NALF1: variants seen among roughly 807,000 people sequenced by gnomAD.
NALF1 encodes family with sequence similarity 155 member A.
A neutral mutation model predicts 48.4 loss-of-function variants in NALF1; 3 were observed. That is an observed-to-expected ratio of 0.06 (90% confidence interval 0.03 to 0.16). The LOEUF is 0.16. Among genes scored for constraint, NALF1 ranks in the 10% least tolerant of loss-of-function variants. The probability of loss-of-function intolerance (pLI) is 1.00; values close to 1 mark genes in which losing one functional copy is unlikely to be tolerated. For missense variants in NALF1, 526 were observed against 571.5 expected (o/e 0.92, Z 0.81); for synonymous variants, 262 against 245.7 (o/e 1.07, Z -0.62).
chr13:107,512,155 G>A lies in NALF1; in HGVS notation c.916-301400C>T, dbSNP rs574507710. On this transcript the variant is annotated intron_variant, in intron 1 of 2. Transcript: ENST00000375915. ...CACGCCTGTAATCCCAGCACTTTGGGAGGCCAAGGCGGGTGGATCACGAGG... is the reference window on the plus strand; with the variant it reads ...CACGCCTGTAATCCCAGCACTTTGGAAGGCCAAGGCGGGTGGATCACGAGG... Among the ~76,000 whole-genome samples the A allele has an allele frequency of 1.6e-3, 251 of 152,316 alleles. 1 individual carries two copies. Among genetic ancestry groups the A allele is most frequent in the African/African-American group, 5.8e-3 (241 of 41,570 alleles).
intron 1 of NALF1, among the ~76,000 whole-genome samples, chr13:107,375,122 A>G (rs1170774133): frequency 3.3e-5 from 5 of 152,224 alleles, no homozygotes; most frequent in Non-Finnish European, 5.9e-5. Context: ...TAGGATAAGT[A>G]TAACACATTT....
chr13:107,654,330 C>T (rs773973540), intron 1 of NALF1, among the ~76,000 whole-genome samples: 4 of 152,076 alleles, frequency 2.6e-5, no homozygotes, highest in East Asian at 1.9e-4. Context: ...CAAAAGTAGG[C>T]GCTTAGCAAT....
intron 1 of NALF1, among the ~76,000 whole-genome samples, chr13:107,352,077 G>A (rs550246348): frequency 3.2e-4 from 49 of 152,340 alleles, no homozygotes; most frequent in African/African-American, 1.2e-3. Flanking sequence ...TAGGGTGAAG[G>A]CCTTACATTT....
At chr13:107,807,764 T>C (rs1289477130) in intron 1 of NALF1, among the ~76,000 whole-genome samples, 1 of 152,182 alleles carries the variant, frequency 6.6e-6, no homozygotes, top group African/African-American at 2.4e-5. Context: ...GGGACCATAA[T>C]GACTGCTAAT....
chr13:107,624,516 T>C (rs979450377), intron 1 of NALF1, among the ~76,000 whole-genome samples: 1 of 152,144 alleles, frequency 6.6e-6, no homozygotes, highest in Non-Finnish European at 1.5e-5. Flanking sequence ...AGTTTTGAGA[T>C]GGAGAATACA....
chr13:107,726,684 A>C (rs1011214852), intron 1 of NALF1, among the ~76,000 whole-genome samples: 2 of 144,176 alleles, frequency 1.4e-5, no homozygotes, highest in Non-Finnish European at 3.0e-5. Context: ...ATCTCTGTTC[A>C]CTGCAACCTC....
intron 1 of NALF1, among the ~76,000 whole-genome samples, chr13:107,687,406 A>C (rs574504932): frequency 6.6e-6 from 1 of 152,074 alleles, no homozygotes; most frequent in South Asian, 2.1e-4. Context: ...CAAACTCCAG[A>C]ATCACTCAAT....
intron 1 of NALF1, among the ~76,000 whole-genome samples, chr13:107,635,046 A>G (rs1879937628): frequency 6.6e-6 from 1 of 152,144 alleles, no homozygotes; most frequent in African/African-American, 2.4e-5. Flanking sequence ...AGTACACACA[A>G]GCAATAATTA....
chr13:107,698,889 A>T (rs1215615895), intron 1 of NALF1, among the ~76,000 whole-genome samples: 2 of 152,100 alleles, frequency 1.3e-5, no homozygotes, highest in Non-Finnish European at 2.9e-5. Flanking sequence ...GGTGACAGAC[A>T]TCTAGGGTCA....
chr13:107,845,170 T>G (rs1880138285), intron 1 of NALF1, among the ~76,000 whole-genome samples: 1 of 152,218 alleles, frequency 6.6e-6, no homozygotes, highest in South Asian at 2.1e-4. Flanking sequence ...TTCTTAATTT[T>G]GGTTGAATGC....
intron 1 of NALF1, among the ~76,000 whole-genome samples, chr13:107,541,453 C>T (rs1436124634): frequency 6.6e-6 from 1 of 151,936 alleles, no homozygotes; most frequent in East Asian, 1.9e-4. Flanking sequence ...TCTTGAATGA[C>T]CAATCTCTTT....
chr13:107,836,826 A>G (rs758516280), intron 1 of NALF1, among the ~76,000 whole-genome samples: 4 of 152,196 alleles, frequency 2.6e-5, no homozygotes, highest in Non-Finnish European at 5.9e-5. Flanking sequence ...GAATGTCACT[A>G]ACATTAGGTG....
Position 107,418,201 on chromosome 13 carries a change from T to C in NALF1, c.916-207446A>G, listed in dbSNP as rs112290352. Among the ~76,000 whole-genome samples the C allele has an allele frequency of 7.9e-5, 12 of 152,316 alleles. 1 individual carries two copies. The highest frequency in any genetic ancestry group is 2.9e-4 in the African/African-American group (12 of 41,574). ...CTCTAATCATGTGACTGTTGTGTGC[T>C]CTTTGGAGACTATCCCTATGCAGGA... On this transcript the variant is annotated intron_variant, in intron 1 of 2. Coordinates refer to ENST00000375915, the MANE Select transcript of NALF1 (RefSeq NM_001080396.3).
chr13:107,203,756 T>G (rs974041038), intron 2 of NALF1, among the ~76,000 whole-genome samples: 10 of 152,222 alleles, frequency 6.6e-5, no homozygotes, highest in African/African-American at 2.4e-4. Flanking sequence ...CAAGTGCTCC[T>G]GGCTTGGTTT....
intron 1 of NALF1, among the ~76,000 whole-genome samples, chr13:107,423,454 T>C (rs938121077): frequency 6.6e-6 from 1 of 152,188 alleles, no homozygotes; most frequent in Non-Finnish European, 1.5e-5. Flanking sequence ...CTGTCTATTG[T>C]CACTGGCAGT....
chr13:107,244,341 G>C (rs1056066444), intron 1 of NALF1, among the ~76,000 whole-genome samples: 6 of 152,214 alleles, frequency 3.9e-5, no homozygotes, highest in African/African-American at 1.2e-4. Context: ...TCACTTTCAA[G>C]AGTTGTGAAT....
intron 1 of NALF1, among the ~76,000 whole-genome samples, chr13:107,331,838 A>C (rs1882475187): frequency 6.6e-6 from 1 of 152,144 alleles, no homozygotes; most frequent in Admixed American, 6.5e-5. Flanking sequence ...ATGTTTATAA[A>C]TGTTTTCATA....
At chr13:107,245,288 T>G (rs897782826) in intron 1 of NALF1, among the ~76,000 whole-genome samples, 9 of 152,208 alleles carry the variant, frequency 5.9e-5, no homozygotes, top group African/African-American at 1.9e-4. Context: ...AGTCAAAAAT[T>G]TGTCAAAATT....
At chr13:107,398,205 C>T (rs916727790) in intron 1 of NALF1, among the ~76,000 whole-genome samples, 13 of 152,006 alleles carry the variant, frequency 8.6e-5, no homozygotes, top group Admixed American at 2.6e-4. Context: ...TCATTGCTTA[C>T]GTATTTTCTT....
Sources: allele counts gnomAD v4.1 joint callset (sites outside exome capture counted in the v4.1 genomes callset), GRCh38; gene constraint gnomAD v4.1.1; transcripts MANE v1.5; gene names NCBI Gene and HGNC (gene_info 2026-07-23, HGNC 2026-07-21).